TSPAN18: variants seen among roughly 807,000 people sequenced by gnomAD.
TSPAN18 encodes the protein tetraspanin-18.
Under a neutral mutation model 27.3 loss-of-function variants are expected in TSPAN18, and 14 were observed. The observed-to-expected ratio is 0.51, with a 90% CI of 0.34 to 0.80. The LOEUF is 0.80. Ranked by LOEUF, TSPAN18 falls within the 30% of genes least tolerant of loss-of-function variation. The pLI, the probability that TSPAN18 is intolerant of heterozygous loss-of-function variation, is 0.01. For synonymous variants in TSPAN18, 143 were observed against 136.5 expected, an observed-to-expected ratio of 1.05 and a Z score of -0.33; for missense variants, 268 against 323.9, an observed-to-expected ratio of 0.83 and a Z score of 1.32.
chr11:44,840,015 T>C (rs1857339725), intron 2 of TSPAN18, among the ~76,000 whole-genome samples: 1 of 152,210 alleles, frequency 6.6e-6, no homozygotes, highest in Non-Finnish European at 1.5e-5. Flanking sequence ...CCAGAACTCA[T>C]GGCTACGTCA....
intron 1 of TSPAN18, among the ~76,000 whole-genome samples, chr11:44,750,288 C>A (rs1345847092): frequency 6.6e-6 from 1 of 152,202 alleles, no homozygotes; most frequent in African/African-American, 2.4e-5. Flanking sequence ...TACTTAGCAG[C>A]TGACATTTCT....
intron 1 of TSPAN18, among the ~76,000 whole-genome samples, chr11:44,747,464 G>T (rs1036467666): frequency 2.6e-5 from 4 of 152,226 alleles, no homozygotes; most frequent in East Asian, 1.9e-4. Context: ...TATGAGGAGG[G>T]ACTGTTTGTA....
intron 1 of TSPAN18, among the ~76,000 whole-genome samples, chr11:44,751,419 G>A (rs1855207863): frequency 6.6e-6 from 1 of 152,108 alleles, no homozygotes; most frequent in Non-Finnish European, 1.5e-5. Context: ...AACTGCTTGT[G>A]CTTGTAGAAT....
intron 2 of TSPAN18, among the ~76,000 whole-genome samples, chr11:44,800,601 C>T (rs1456653768): frequency 2.0e-5 from 3 of 152,204 alleles, no homozygotes; most frequent in Non-Finnish European, 4.4e-5. Context: ...TCGCTCAAAG[C>T]TCATTTGCAG....
At chr11:44,807,761 AC>A (rs2135088816) in intron 2 of TSPAN18, among the ~76,000 whole-genome samples, 1 of 152,238 alleles carries the variant, frequency 6.6e-6, no homozygotes, top group South Asian at 2.1e-4. Flanking sequence ...CAGACAAGTC[AC>A]CTAATGCCTT....
intron 3 of TSPAN18, among the ~76,000 whole-genome samples, chr11:44,878,186 T>A (rs928448046): frequency 6.6e-6 from 1 of 152,040 alleles, no homozygotes; most frequent in African/African-American, 2.4e-5. Context: ...TTCCCAGGCC[T>A]CCCCAGATTA....
chr11:44,798,026 A>G (rs1400116962), intron 2 of TSPAN18, among the ~76,000 whole-genome samples: 3 of 152,176 alleles, frequency 2.0e-5, no homozygotes, highest in African/African-American at 4.8e-5. Flanking sequence ...GACTTCATGG[A>G]CCACAGTGCC....
At chr11:44,735,977 T>C (rs11038125) in intron 1 of TSPAN18, among the ~76,000 whole-genome samples, 102,368 of 152,046 alleles carry the variant, frequency 0.67, 37,485 homozygotes, top group Non-Finnish European at 0.84. Flanking sequence ...GGTTAGGCTG[T>C]CAACATATCG....
intron 2 of TSPAN18, among the ~76,000 whole-genome samples, chr11:44,794,329 G>A (rs554488680): frequency 2.6e-5 from 4 of 152,120 alleles, no homozygotes; most frequent in Non-Finnish European, 5.9e-5. Flanking sequence ...GTGTGTGCAC[G>A]TGTGGATGCA....
intron 2 of TSPAN18, among the ~76,000 whole-genome samples, chr11:44,840,167 C>G (rs1857344447): frequency 6.6e-6 from 1 of 152,204 alleles, no homozygotes. Flanking sequence ...GTTTGTGAAT[C>G]TATGAAAAGG....
At position 44,926,085 on chromosome 11, in the gene TSPAN18, C is replaced by G. The variant is rs548339092; in HGVS notation, c.616-589C>G. Among the ~76,000 whole-genome samples the G allele has an allele frequency of 5.3e-5, 8 of 152,326 alleles. No homozygotes were observed. The South Asian group carries it at 1.0e-3, about 20-fold the overall frequency. On this transcript the variant is annotated intron_variant, in intron 8 of 9. Transcript: ENST00000520358. ...CTGTGGACTGGGCTGGTTCAGAAAG[C>G]TGCCCGAAGGAGGTGGCATGCGAGC...
intron 3 of TSPAN18, among the ~76,000 whole-genome samples, chr11:44,884,288 A>G (rs1858576324): frequency 6.6e-6 from 1 of 152,210 alleles, no homozygotes; most frequent in African/African-American, 2.4e-5. Flanking sequence ...GGTCCACAGC[A>G]GGCAGGCGGA....
At chr11:44,917,874 T>C in intron 5 of TSPAN18, 98 bp from the exon 6 acceptor site, 1 of 1,102,746 alleles carries the variant, frequency 9.1e-7, no homozygotes, top group Middle Eastern at 2.2e-4. Flanking sequence ...ATGAGTATAC[T>C]GCGTCACTGG....
chr11:44,896,408 G>A lies in TSPAN18; in HGVS notation c.-10-9999G>A, dbSNP rs187721978. 1.4e-4 allele frequency among the ~76,000 whole-genome samples: 21 copies of A among 152,214 alleles called. No individual in the cohort carries two copies. In the East Asian group the frequency reaches 3.9e-3, roughly 28 times the overall value. ...CATTGTACTGTGGGGATGATGGTGT[G>A]ATACCTACTTCATAGGGTTGTTCTG... On this transcript the variant is annotated intron_variant, in intron 3 of 9. Coordinates refer to ENST00000520358, the MANE Select transcript of TSPAN18 (RefSeq NM_130783.5).
intron 2 of TSPAN18, among the ~76,000 whole-genome samples, chr11:44,791,602 T>G (rs540231873): frequency 1.3e-5 from 2 of 152,294 alleles, no homozygotes; most frequent in East Asian, 3.9e-4. Flanking sequence ...AGTCACTTCT[T>G]CTGTGGACTG....
rs202036832 is a variant in TSPAN18, at chr11:44,799,757, C to T, written c.-153+35245C>T. Among the ~76,000 whole-genome samples, 6 of 152,306 alleles carry T rather than the reference C, an allele frequency of 3.9e-5. No homozygotes were observed. In the East Asian group the frequency reaches 1.2e-3, roughly 29 times the overall value. ...GGGTTACAGTCAGGAAGTGGCAGAG[C>T]CAGGATTTGAACCCAGGCAGACTGC... On this transcript the variant is annotated intron_variant, in intron 2 of 9. Coordinates refer to ENST00000520358, the MANE Select transcript of TSPAN18 (RefSeq NM_130783.5).
At chr11:44,826,004 A>T (rs1372280682) in intron 2 of TSPAN18, among the ~76,000 whole-genome samples, 1 of 152,196 alleles carries the variant, frequency 6.6e-6, no homozygotes, top group Non-Finnish European at 1.5e-5. Context: ...CATTACAATG[A>T]AACAAGGATA....
intron 2 of TSPAN18, among the ~76,000 whole-genome samples, chr11:44,829,049 A>C (rs2135139151): frequency 6.6e-6 from 1 of 152,314 alleles, no homozygotes; most frequent in East Asian, 1.9e-4. Context: ...TTTTAGAAAA[A>C]ATTTAGGTTT....
chr11:44,877,038 A>G (rs1032965761), intron 3 of TSPAN18, among the ~76,000 whole-genome samples: 2 of 152,188 alleles, frequency 1.3e-5, no homozygotes, highest in Non-Finnish European at 2.9e-5. Flanking sequence ...TCCGCCTCTG[A>G]GGAAAGGAGG....
Sources: gnomAD v4.1 joint callset for allele counts (sites outside exome capture counted in the v4.1 genomes callset) on GRCh38, gnomAD v4.1.1 for gene constraint, MANE v1.5 for transcripts, NCBI Gene and HGNC (gene_info 2026-07-23, HGNC 2026-07-21) for gene names.